Variants in MDGA2 observed in about 807,000 individuals in gnomAD.
MDGA2 encodes the protein MAM domain containing glycosylphosphatidylinositol anchor 2, also known as MAM domain-containing glycosylphosphatidylinositol anchor protein 2.
MDGA2 carries 40 observed loss-of-function variants against 117.8 expected under a neutral mutation model. That is an observed-to-expected ratio of 0.34 (90% CI 0.26 to 0.44). The LOEUF is 0.44. MDGA2 is among the 20% of genes least tolerant of loss of function. The pLI, the probability that MDGA2 is intolerant of heterozygous loss-of-function variation, is 1.00. For synonymous variants in MDGA2, 452 were observed against 439.0 expected (o/e 1.03, Z -0.37); for missense variants, 1,123 against 1,250.6 (o/e 0.90, Z 1.54).
intron 2 of MDGA2, among the ~76,000 whole-genome samples, chr14:47,226,160 A>T (rs1886491039): frequency 6.6e-6 from 1 of 151,352 alleles, no homozygotes; most frequent in Admixed American, 6.6e-5. Flanking sequence ...TCCTAGCTGC[A>T]GTGAGTTATG....
At chr14:47,509,286 A>C (rs1408958281) in intron 1 of MDGA2, among the ~76,000 whole-genome samples, 1 of 152,210 alleles carries the variant, frequency 6.6e-6, no homozygotes, top group Non-Finnish European at 1.5e-5. Context: ...TATTTTGTAA[A>C]ACCCTTGAAA....
chr14:46,859,131 G>A (rs1035904690), intron 14 of MDGA2, among the ~76,000 whole-genome samples: 11 of 152,136 alleles, frequency 7.2e-5, no homozygotes, highest in Non-Finnish European at 1.6e-4. Flanking sequence ...CTGTTTTGGA[G>A]AATGTCTAGA....
intron 3 of MDGA2, among the ~76,000 whole-genome samples, chr14:47,172,767 T>G (rs1884220406): frequency 6.6e-6 from 1 of 152,162 alleles, no homozygotes; most frequent in African/African-American, 2.4e-5. Flanking sequence ...GGAATGCAGT[T>G]CCTCACTAGC....
intron 1 of MDGA2, among the ~76,000 whole-genome samples, chr14:47,431,719 TG>T (rs1892803552): frequency 6.6e-6 from 1 of 152,088 alleles, no homozygotes; most frequent in East Asian, 1.9e-4. Context: ...CACACATTTT[TG>T]TAACTTCATG....
rs367976749 is a variant in MDGA2, at chr14:47,576,077, T to A, written c.280+98440A>T. Among the ~76,000 whole-genome samples, 55 of 152,266 alleles carry A rather than the reference T, an allele frequency of 3.6e-4. No homozygotes were observed. In the East Asian group the frequency reaches 7.0e-3, roughly 19 times the overall value. ...AGTTTCCTAGAAGCTGAAGTACAAA[T>A]CTGAATGTCAATCACAGAGACTGTT... On this transcript the variant is annotated intron_variant, in intron 1 of 16. Transcript: ENST00000399232.
chr14:47,220,985 G>A (rs188189282), intron 2 of MDGA2, among the ~76,000 whole-genome samples: 146 of 152,230 alleles, frequency 9.6e-4, no homozygotes, highest in Non-Finnish European at 7.5e-4. Context: ...CCCAACTAAC[G>A]AATTGTATCT....
intron 3 of MDGA2, among the ~76,000 whole-genome samples, chr14:47,171,728 G>A (rs1385997902): frequency 6.6e-6 from 1 of 152,208 alleles, no homozygotes; most frequent in Non-Finnish European, 1.5e-5. Flanking sequence ...CACAGAAGAT[G>A]GGAGATTTCT....
At chr14:46,865,947 A>G (rs1267331848) in intron 14 of MDGA2, among the ~76,000 whole-genome samples, 5 of 151,262 alleles carry the variant, frequency 3.3e-5, no homozygotes, top group East Asian at 1.9e-4. Context: ...AATCAATATC[A>G]TGAAAATGGC....
intron 3 of MDGA2, among the ~76,000 whole-genome samples, chr14:47,184,552 T>A (rs1182024078): frequency 6.6e-6 from 1 of 151,922 alleles, no homozygotes; most frequent in Non-Finnish European, 1.5e-5. Flanking sequence ...CCTATAAGAC[T>A]AGCAACATTT....
At chr14:47,329,042 G>A (rs1890222653) in intron 1 of MDGA2, among the ~76,000 whole-genome samples, 1 of 152,072 alleles carries the variant, frequency 6.6e-6, no homozygotes, top group South Asian at 2.1e-4. Context: ...AGCACATAAA[G>A]CTAATTCATA....
intron 2 of MDGA2, among the ~76,000 whole-genome samples, chr14:47,220,860 C>T (rs1332020893): frequency 6.6e-6 from 1 of 152,108 alleles, no homozygotes; most frequent in African/African-American, 2.4e-5. Flanking sequence ...TATCCCATAT[C>T]CATTCAAGAG....
intron 3 of MDGA2, among the ~76,000 whole-genome samples, chr14:47,155,133 G>A (rs779184930): frequency 3.3e-5 from 5 of 152,094 alleles, no homozygotes; most frequent in African/African-American, 7.2e-5. Flanking sequence ...CAGATGCTGC[G>A]ATGACCTGCC....
intron 1 of MDGA2, among the ~76,000 whole-genome samples, chr14:47,524,508 G>C (rs1333516882): frequency 6.6e-6 from 1 of 152,130 alleles, no homozygotes; most frequent in African/African-American, 2.4e-5. Flanking sequence ...AAGATCATCT[G>C]AGTGTCCTGA....
chr14:46,858,861 C>T (rs1022333050), intron 14 of MDGA2, among the ~76,000 whole-genome samples: 1 of 152,098 alleles, frequency 6.6e-6, no homozygotes, highest in Non-Finnish European at 1.5e-5. Context: ...TAGTTACTTT[C>T]AGTGAGTAAT....
intron 1 of MDGA2, among the ~76,000 whole-genome samples, chr14:47,498,029 T>G (rs970117617): frequency 5.3e-5 from 8 of 152,184 alleles, no homozygotes; most frequent in Non-Finnish European, 1.2e-4. Context: ...GTATGTTACT[T>G]TCTAATAAAT....
At chr14:46,995,854 A>G (rs187378353) in intron 8 of MDGA2, among the ~76,000 whole-genome samples, 1 of 152,156 alleles carries the variant, frequency 6.6e-6, no homozygotes, top group African/African-American at 2.4e-5. Context: ...AATTAAAGCA[A>G]GTTAAACAAC....
At chr14:47,610,115 A>C (rs1594942356) in intron 1 of MDGA2, among the ~76,000 whole-genome samples, 1 of 152,136 alleles carries the variant, frequency 6.6e-6, no homozygotes, top group Non-Finnish European at 1.5e-5. Flanking sequence ...CATAAAATCC[A>C]GCACCCTTTA....
intron 1 of MDGA2, among the ~76,000 whole-genome samples, chr14:47,607,371 A>AT (rs1437399935): frequency 6.6e-6 from 1 of 152,172 alleles, no homozygotes; most frequent in Non-Finnish European, 1.5e-5. Flanking sequence ...TCATCCACTT[A>AT]TTTTTCACCT....
At chr14:47,537,849 G>C (rs1895256006) in intron 1 of MDGA2, among the ~76,000 whole-genome samples, 2 of 152,072 alleles carry the variant, frequency 1.3e-5, no homozygotes, top group South Asian at 4.1e-4. Context: ...TATTCCTTAT[G>C]AATTAAAGCA....
Sources: gnomAD v4.1 joint callset for allele counts (sites outside exome capture counted in the v4.1 genomes callset) on GRCh38, gnomAD v4.1.1 for gene constraint, MANE v1.5 for transcripts, NCBI Gene and HGNC (gene_info 2026-07-23, HGNC 2026-07-21) for gene names.